ACSBG1: variants seen among roughly 807,000 people sequenced by gnomAD.
ACSBG1 encodes the protein acyl-CoA synthetase bubblegum family member 1, also known as long-chain-fatty-acid--CoA ligase ACSBG1.
In ACSBG1, 39 loss-of-function variants were observed where a neutral mutation model predicts 80.2. The ratio of observed to expected loss-of-function variants is 0.49; its 90% CI spans 0.38 to 0.64. The LOEUF (loss-of-function observed/expected upper bound fraction) is 0.64. ACSBG1 is among the 30% of genes least tolerant of loss of function. The pLI is 0.00. For missense variants in ACSBG1, 828 were observed against 966.4 expected (o/e 0.86, Z 1.90); for synonymous variants, 392 against 379.5 (o/e 1.03, Z -0.38).
chr15:78,199,934 C>T (rs1214165713), intron 2 of ACSBG1, among the ~76,000 whole-genome samples: 1 of 152,056 alleles, frequency 6.6e-6, no homozygotes, highest in African/African-American at 2.4e-5. Flanking sequence ...ACGGTTGGGC[C>T]CTCTCATAAT....
At chr15:78,205,222 T>C (rs1218992922) in intron 2 of ACSBG1, among the ~76,000 whole-genome samples, 8 of 152,170 alleles carry the variant, frequency 5.3e-5, no homozygotes, top group African/African-American at 1.9e-4. Flanking sequence ...GATTCCAGTG[T>C]CTCGGTGGCC....
intron 2 of ACSBG1, among the ~76,000 whole-genome samples, chr15:78,205,725 G>A (rs561910716): frequency 3.7e-4 from 56 of 152,238 alleles, no homozygotes; most frequent in African/African-American, 1.3e-3. Flanking sequence ...GTGTGAGGAA[G>A]GAGGACTTTC....
intron 2 of ACSBG1, 85 bp downstream of exon 2, chr15:78,207,917 T>TCCCCCCCACCCCCCCCCCCCCC: frequency 2.3e-6 from 2 of 876,066 alleles, no homozygotes; most frequent in Admixed American, 2.0e-5. Flanking sequence ...TGTGTGGTGG[T>TCCCCCCCACCCCCCCCCCCCCC]CCCCCACACC....
At chr15:78,222,824 AAT>A (rs896211564) in intron 1 of ACSBG1, among the ~76,000 whole-genome samples, 1 of 84,056 alleles carries the variant, frequency 1.2e-5, no homozygotes, top group Non-Finnish European at 3.4e-5. Flanking sequence ...AAAGTACTGA[AAT>A]AAGTAAATGA....
chr15:78,224,441 C>T (rs933254752), intron 1 of ACSBG1, among the ~76,000 whole-genome samples: 8 of 152,314 alleles, frequency 5.3e-5, no homozygotes, highest in East Asian at 3.9e-4. Flanking sequence ...CAAGCTGGGC[C>T]GGGCGTGGTG....
At chr15:78,186,592 A>G (rs1342019246) in intron 5 of ACSBG1, among the ~76,000 whole-genome samples, 3 of 152,314 alleles carry the variant, frequency 2.0e-5, no homozygotes, top group African/African-American at 4.8e-5. Flanking sequence ...ATAACGAAAC[A>G]AAGGCAGAAA....
At chr15:78,184,047 CCA>C (rs1349317804) in intron 5 of ACSBG1, among the ~76,000 whole-genome samples, 3 of 152,006 alleles carry the variant, frequency 2.0e-5, no homozygotes, top group South Asian at 2.1e-4. Flanking sequence ...AGTAACATAA[CCA>C]CACACACACA....
rs767054001 is a variant in ACSBG1 at position 78,193,914 on chromosome 15, C to T, written c.542+18G>A. 6.2e-7 allele frequency: 1 copy of T among 1,613,222 alleles called. No individual in the cohort carries two copies. Among genetic ancestry groups the T allele is most frequent in the Non-Finnish European group, 8.5e-7 (1 of 1,179,692 alleles). On this transcript the variant is annotated intron_variant, in intron 4 of 13. Transcript: ENST00000258873. ...CTGCCAACCCCCTGGAGACCCCGTC[C>T]CTGCCCCCGCCACTCACCCTGCAAA...
chr15:78,203,909 A>T (rs1391949576), intron 2 of ACSBG1, among the ~76,000 whole-genome samples: 1 of 152,140 alleles, frequency 6.6e-6, no homozygotes, highest in Non-Finnish European at 1.5e-5. Context: ...CAGCCCCAGG[A>T]GGGCCCCTCT....
At position 78,214,523 on chromosome 15, in the gene ACSBG1, T is replaced by C. The variant is rs2075292600; in HGVS notation, c.132-6421A>G. ...GGCCCGATTTTGGCTTATTTCAAAC[T>C]CCACCTCCCAGGTTTAAGTGATTCT... On this transcript the variant is annotated intron_variant, in intron 1 of 13. Coordinates refer to ENST00000258873, the MANE Select transcript of ACSBG1 (RefSeq NM_015162.5). 2.6e-5 allele frequency among the ~76,000 whole-genome samples: 4 copies of C among 152,284 alleles called. No individual in the cohort carries two copies. In the South Asian group the frequency reaches 8.3e-4, roughly 32 times the overall value.
chr15:78,191,707 C>T (rs912640888), intron 5 of ACSBG1, among the ~76,000 whole-genome samples: 1 of 152,160 alleles, frequency 6.6e-6, no homozygotes, highest in African/African-American at 2.4e-5. Flanking sequence ...GGGAATTTCA[C>T]AGTGGAAGAA....
chr15:78,194,536 G>T lies in ACSBG1; in HGVS notation c.423C>A (p.Leu141=). The T allele has an allele frequency of 1.9e-6, 3 of 1,614,250 alleles. No individual in the cohort carries two copies. The change falls in exon 3 of 14, where the codon CTC becomes CTA. Residue 141 remains leucine (L), a synonymous_variant. Transcript: ENST00000258873. ...GGAAGCCCTTGGCGGCTCTGCGGGC[G>T]AGCAGGTAGTATTGGGAGTAGGAGA... is the stretch of plus-strand genomic sequence containing the variant. The part of the protein sequence containing the change: ...EHISYSQYYL[L]ARRAAKGFLK...
Position 78,169,599 on chromosome 15 carries a change from A to G in ACSBG1, c.*1845T>C, listed in dbSNP as rs1017173455. The G allele has an allele frequency of 1.2e-4, 18 of 152,266 alleles. No individual in the cohort carries two copies. Among genetic ancestry groups the G allele is most frequent in the African/African-American group, 4.3e-4 (18 of 41,476 alleles). 9.4% of individuals were successfully genotyped at this position (152,266 alleles called of 1,614,324 possible). A position where few individuals can be genotyped will look rare whatever the true frequency, so the allele number is the denominator to read the frequency against. On this transcript the variant is annotated 3_prime_UTR_variant, in exon 14 of 14. Coordinates refer to ENST00000258873, the MANE Select transcript of ACSBG1 (RefSeq NM_015162.5). ...TACTGAGTGTGAATAAAAACTTCAG[A>G]TCCAAGAAATATATAATGAGAGATA...
Position 78,174,370 on chromosome 15 carries a change from G to A in ACSBG1, c.1842+15C>T. On this transcript the variant is annotated intron_variant, in intron 12 of 13. Coordinates refer to ENST00000258873, the MANE Select transcript of ACSBG1 (RefSeq NM_015162.5). Reference sequence around the variant, plus strand: ...CACTGGCTGCTCCTTCTGAGCTGGAGCCCCCCAGACACACCTTCAAGGTGA... The same window carrying A: ...CACTGGCTGCTCCTTCTGAGCTGGAACCCCCCAGACACACCTTCAAGGTGA... The A allele has an allele frequency of 1.2e-6, 2 of 1,614,118 alleles. No homozygotes were observed. The highest frequency in any genetic ancestry group is 1.7e-6 in the Non-Finnish European group (2 of 1,180,014).
chr15:78,193,770 C>T (rs1567086446), intron 4 of ACSBG1, 144 bp from the exon 5 acceptor site: 13 of 1,442,222 alleles, frequency 9.0e-6, no homozygotes, highest in Non-Finnish European at 1.2e-5. Flanking sequence ...GCACCTCCTC[C>T]CCTGCAGAGA....
chr15:78,175,923 C>T (rs148554217), intron 11 of ACSBG1, among the ~76,000 whole-genome samples: 44 of 152,158 alleles, frequency 2.9e-4, no homozygotes, highest in African/African-American at 8.9e-4. Flanking sequence ...CTCCTCACTA[C>T]GGCCCTCTGC....
chr15:78,218,477 G>T (rs11072744), intron 1 of ACSBG1, among the ~76,000 whole-genome samples: 32,810 of 152,110 alleles, frequency 0.22, 3,580 homozygotes, highest in African/African-American at 0.22. Flanking sequence ...AGGCAAAGGG[G>T]TCAGGCAGTG....
intron 2 of ACSBG1, among the ~76,000 whole-genome samples, chr15:78,196,364 A>G (rs905902175): frequency 1.3e-5 from 2 of 152,220 alleles, no homozygotes; most frequent in African/African-American, 2.4e-5. Context: ...CAGACCAGAA[A>G]GTCAGGTACA....
chr15:78,228,663 T>C (rs1421297337), intron 1 of ACSBG1, among the ~76,000 whole-genome samples: 1 of 152,196 alleles, frequency 6.6e-6, no homozygotes, highest in African/African-American at 2.4e-5. Context: ...GACTCACGCT[T>C]TCCATGGATG....
Sources: allele counts gnomAD v4.1 joint callset (sites outside exome capture counted in the v4.1 genomes callset), GRCh38; gene constraint gnomAD v4.1.1; transcripts MANE v1.5; gene names NCBI Gene and HGNC (gene_info 2026-07-23, HGNC 2026-07-21).